The following LRRC4C variants were observed in gnomAD, a reference collection of about 807,000 sequenced individuals.
LRRC4C encodes leucine-rich repeat-containing protein 4C.
In LRRC4C, 5 loss-of-function variants were observed where a neutral mutation model predicts 33.6. The ratio of observed to expected loss-of-function variants is 0.15; its 90% CI spans 0.08 to 0.31. The LOEUF (loss-of-function observed/expected upper bound fraction) is 0.31. Ranked by LOEUF, LRRC4C falls within the 10% of genes least tolerant of loss-of-function variation. The probability of loss-of-function intolerance (pLI) is 1.00; values close to 1 mark genes in which losing one functional copy is unlikely to be tolerated. For synonymous variants in LRRC4C, 329 were observed against 302.0 expected, an observed-to-expected ratio of 1.09 and a Z score of -0.93; for missense variants, 560 against 796.7, an observed-to-expected ratio of 0.70 and a Z score of 3.58.
chr11:41,042,562 C>T (rs1217785628), intron 1 of LRRC4C, among the ~76,000 whole-genome samples: 1 of 152,130 alleles, frequency 6.6e-6, no homozygotes, highest in African/African-American at 2.4e-5. Context: ...TGGGTTCCCT[C>T]CACCTCCCTA....
intron 1 of LRRC4C, among the ~76,000 whole-genome samples, chr11:41,163,973 T>C (rs1944601509): frequency 6.6e-6 from 1 of 152,102 alleles, no homozygotes; most frequent in African/African-American, 2.4e-5. Context: ...TAGTTGTACA[T>C]ATTTATGGGG....
At chr11:41,377,614 T>A (rs11036374) in intron 1 of LRRC4C, among the ~76,000 whole-genome samples, 10,820 of 152,196 alleles carry the variant, frequency 0.071, 1,137 homozygotes, top group African/African-American at 0.22. Context: ...GAACTGAATC[T>A]CAGGGAAAAG....
At chr11:41,344,111 A>C (rs1951723650) in intron 1 of LRRC4C, among the ~76,000 whole-genome samples, 1 of 151,888 alleles carries the variant, frequency 6.6e-6, no homozygotes, top group East Asian at 1.9e-4. Context: ...CAAGCCCTAG[A>C]TCAGAAGTGT....
At chr11:40,456,604 A>G (rs1952143234) in intron 3 of LRRC4C, among the ~76,000 whole-genome samples, 1 of 152,024 alleles carries the variant, frequency 6.6e-6, no homozygotes, top group Non-Finnish European at 1.5e-5. Flanking sequence ...AGGGAGAGAA[A>G]TAATAATAGA....
intron 3 of LRRC4C, among the ~76,000 whole-genome samples, chr11:40,545,821 C>T (rs529223360): frequency 2.0e-5 from 3 of 152,034 alleles, no homozygotes; most frequent in South Asian, 2.1e-4. Flanking sequence ...CAGGGTTCAC[C>T]TAGATGCTCT....
chr11:40,498,477 C>T (rs1376995964), intron 3 of LRRC4C, among the ~76,000 whole-genome samples: 1 of 152,130 alleles, frequency 6.6e-6, no homozygotes, highest in East Asian at 1.9e-4. Flanking sequence ...TACTTTTGTT[C>T]ATTTTAATAT....
intron 4 of LRRC4C, among the ~76,000 whole-genome samples, chr11:40,265,293 C>T (rs964086201): frequency 9.9e-5 from 15 of 152,156 alleles, no homozygotes; most frequent in African/African-American, 3.6e-4. Flanking sequence ...TTGCCTTGTG[C>T]ATTTATGTGC....
At chr11:40,790,849 T>C (rs1010827927) in intron 2 of LRRC4C, among the ~76,000 whole-genome samples, 9 of 152,202 alleles carry the variant, frequency 5.9e-5, no homozygotes, top group African/African-American at 9.6e-5. Flanking sequence ...AAATTAATCA[T>C]AATGGATCTT....
rs1365236933 is a variant in LRRC4C, at chr11:40,426,999, A to T, written c.-269-107278T>A. On this transcript the variant is annotated intron_variant, in intron 3 of 6. Coordinates refer to ENST00000528697, the MANE Select transcript of LRRC4C (RefSeq NM_001258419.2). ...TTGGTTTCTGTACTGGAATGCTTAT[A>T]TAACTTACTAAAATTTTGCATTTAG... Among the ~76,000 whole-genome samples the T allele has an allele frequency of 1.3e-5, 2 of 152,164 alleles. 1 individual carries two copies. The highest frequency in any genetic ancestry group is 4.8e-5 in the African/African-American group (2 of 41,444).
At chr11:41,396,331 A>T (rs952861881) in intron 1 of LRRC4C, among the ~76,000 whole-genome samples, 1 of 152,064 alleles carries the variant, frequency 6.6e-6, no homozygotes, top group Non-Finnish European at 1.5e-5. Context: ...AATGTAGCAA[A>T]AAAATTAAGA....
At chr11:40,405,185 A>G (rs531173856) in intron 3 of LRRC4C, among the ~76,000 whole-genome samples, 7 of 151,824 alleles carry the variant, frequency 4.6e-5, no homozygotes, top group African/African-American at 1.7e-4. Context: ...AGCTCATGCA[A>G]TATTTTTCTT....
At chr11:40,795,949 AG>A (rs1258650125) in intron 2 of LRRC4C, among the ~76,000 whole-genome samples, 1 of 152,220 alleles carries the variant, frequency 6.6e-6, no homozygotes, top group Non-Finnish European at 1.5e-5. Flanking sequence ...CTAATAATTG[AG>A]GGAAAAATGT....
rs1592283587 is a variant in LRRC4C at position 40,993,146 on chromosome 11, T to A, written c.-495-59423A>T. ...TATATTTTCATTGCTTTTGTATACT[T>A]CATTTCATTTCATGTGCTTTGCAGT... On this transcript the variant is annotated intron_variant, in intron 1 of 6. Transcript: ENST00000528697. Among the ~76,000 whole-genome samples, 3 of 152,206 alleles carry A rather than the reference T, an allele frequency of 2.0e-5. No homozygotes were observed. In the East Asian group the frequency reaches 5.8e-4, roughly 29 times the overall value.
intron 1 of LRRC4C, among the ~76,000 whole-genome samples, chr11:41,188,901 G>GC (rs531976924): frequency 0.064 from 7,970 of 124,030 alleles, 410 homozygotes; most frequent in African/African-American, 0.15. Context: ...AACAGGACCT[G>GC]CCCCCCCCCC....
chr11:40,696,826 C>T (rs910884651), intron 2 of LRRC4C, among the ~76,000 whole-genome samples: 22 of 145,094 alleles, frequency 1.5e-4, no homozygotes, highest in African/African-American at 5.1e-4. Context: ...GCCTTTGCAA[C>T]AAGCAGTCTA....
intron 2 of LRRC4C, among the ~76,000 whole-genome samples, chr11:40,871,071 C>T (rs531035049): frequency 2.9e-4 from 44 of 152,190 alleles, no homozygotes; most frequent in African/African-American, 1.0e-3. Flanking sequence ...CCGTAGTGCT[C>T]CCAGGCTTAT....
At chr11:41,410,504 G>A (rs1321907005) in intron 1 of LRRC4C, among the ~76,000 whole-genome samples, 2 of 151,292 alleles carry the variant, frequency 1.3e-5, no homozygotes, top group African/African-American at 2.4e-5. Flanking sequence ...ACGCCATTCG[G>A]ATCTCAGCTC....
chr11:40,918,737 T>C (rs973563552), intron 2 of LRRC4C, among the ~76,000 whole-genome samples: 3 of 152,118 alleles, frequency 2.0e-5, no homozygotes, highest in Non-Finnish European at 4.4e-5. Flanking sequence ...CCACGTTACA[T>C]AGTTGCAGAG....
At chr11:41,028,712 T>G (rs186337170) in intron 1 of LRRC4C, among the ~76,000 whole-genome samples, 2 of 151,772 alleles carry the variant, frequency 1.3e-5, no homozygotes, top group Admixed American at 1.3e-4. Context: ...AGTTGCTAAT[T>G]TATCCAATAA....
Sources: gnomAD v4.1 joint callset for allele counts (sites outside exome capture counted in the v4.1 genomes callset) on GRCh38, gnomAD v4.1.1 for gene constraint, MANE v1.5 for transcripts, NCBI Gene and HGNC (gene_info 2026-07-23, HGNC 2026-07-21) for gene names.